USH2A: variants seen among roughly 807,000 people sequenced by gnomAD.
USH2A encodes usherin.
Under a neutral mutation model 538.9 loss-of-function variants are expected in USH2A, and 443 were observed. That is an observed-to-expected ratio of 0.82 (90% CI 0.76 to 0.89). USH2A has a LOEUF of 0.89. USH2A is among the 40% of genes least tolerant of loss of function. USH2A has a pLI of 0.00. For missense variants in USH2A, 6,633 were observed against 6,324.8 expected, an observed-to-expected ratio of 1.05 and a Z score of -1.65; for synonymous variants, 2,413 against 2,273.5, an observed-to-expected ratio of 1.06 and a Z score of -1.75.
intron 15 of USH2A, among the ~76,000 whole-genome samples, chr1:216,216,013 T>C (rs2035335506): frequency 6.6e-6 from 1 of 152,082 alleles, no homozygotes; most frequent in Admixed American, 6.6e-5. Flanking sequence ...ACAAAATTAG[T>C]GGCAGAACCA....
At chr1:215,933,313 G>A (rs1221760461) in intron 38 of USH2A, among the ~76,000 whole-genome samples, 6 of 151,726 alleles carry the variant, frequency 4.0e-5, no homozygotes, top group African/African-American at 1.5e-4. Context: ...TTATTTTAGC[G>A]GGGGGAGTTT....
intron 20 of USH2A, among the ~76,000 whole-genome samples, chr1:216,189,660 A>C (rs1192226991): frequency 6.6e-6 from 1 of 151,970 alleles, no homozygotes; most frequent in East Asian, 1.9e-4. Flanking sequence ...TCTTCTTAAT[A>C]AAACAATAGA....
chr1:215,879,050 C>G lies in USH2A; in HGVS notation c.8272G>C (p.Glu2758Gln), dbSNP rs1256528360. The G allele has an allele frequency of 3.8e-5, 62 of 1,613,918 alleles. No homozygotes were observed. The highest frequency in any genetic ancestry group is 5.2e-5 in the Non-Finnish European group (61 of 1,179,978). ...LIQNGDILSY[E>Q]IHMPDPHITL... is the part of the protein sequence containing the mutation. The stretch of plus-strand genomic sequence containing the variant: ...ATGTGAGGGTCAGGCATGTGAATCT[C>G]ATAGCTAAGTATGTCTCCGTTCTGG... Residue 2758 changes from glutamate (E) to glutamine (Q), a missense_variant, in exon 42 of 72, where the codon GAG becomes CAG. Transcript: ENST00000307340.
chr1:215,631,297 C>G (rs1335098417), intron 70 of USH2A, among the ~76,000 whole-genome samples: 3 of 151,862 alleles, frequency 2.0e-5, no homozygotes, highest in Non-Finnish European at 2.9e-5. Context: ...AGTGAAAAGA[C>G]AGTCAATCTG....
At chr1:215,935,985 CA>C (rs1666483110) in intron 37 of USH2A, among the ~76,000 whole-genome samples, 1 of 151,968 alleles carries the variant, frequency 6.6e-6, no homozygotes. Flanking sequence ...TTTGAGATTA[CA>C]GTGAACTATA....
At chr1:215,834,939 A>G (rs1163173041) in intron 47 of USH2A, among the ~76,000 whole-genome samples, 2 of 151,772 alleles carry the variant, frequency 1.3e-5, no homozygotes, top group Non-Finnish European at 2.9e-5. Context: ...AACTTTCTTC[A>G]AAAGTTTCAA....
intron 13 of USH2A, among the ~76,000 whole-genome samples, chr1:216,244,395 C>T (rs2035994663): frequency 6.6e-6 from 1 of 152,036 alleles, no homozygotes; most frequent in South Asian, 2.1e-4. Context: ...AAAATAAAAC[C>T]CATTTTTGGT....
chr1:216,175,808 C>T (rs1572021637), intron 20 of USH2A, among the ~76,000 whole-genome samples: 1 of 152,090 alleles, frequency 6.6e-6, no homozygotes, highest in East Asian at 1.9e-4. Flanking sequence ...GGTGCCCCAA[C>T]CACAGTCCCT....
intron 58 of USH2A, among the ~76,000 whole-genome samples, chr1:215,746,842 C>T (rs72740648): frequency 0.05 from 7,594 of 152,174 alleles, 222 homozygotes; most frequent in African/African-American, 0.075. Context: ...ACTTACTGTG[C>T]CTTTTTTTGG....
rs200049420 is a variant in USH2A, at chr1:216,359,768, T to C, written c.784+5185A>G. Among the ~76,000 whole-genome samples, 10 of 152,136 alleles carry C rather than the reference T, an allele frequency of 6.6e-5. No individual in the cohort carries two copies. The East Asian group carries it at 1.7e-3, about 26-fold the overall frequency. ...TTGTGTACCTATCATAATAATGAGTTTGGCAAGGTCACTAAACATAGGTAA... is the reference window on the plus strand; with the variant it reads ...TTGTGTACCTATCATAATAATGAGTCTGGCAAGGTCACTAAACATAGGTAA... On this transcript the variant is annotated intron_variant, in intron 4 of 71. Transcript: ENST00000307340.
intron 21 of USH2A, among the ~76,000 whole-genome samples, chr1:216,148,593 A>G (rs1489541131): frequency 3.9e-5 from 6 of 152,152 alleles, no homozygotes; most frequent in African/African-American, 1.4e-4. Context: ...CGCCTGCTAC[A>G]GCATGGCCTT....
chr1:215,808,923 C>T (rs181043351), intron 49 of USH2A, among the ~76,000 whole-genome samples: 9 of 152,010 alleles, frequency 5.9e-5, no homozygotes, highest in South Asian at 4.2e-4. Flanking sequence ...TATCCAGGAC[C>T]GGATCAAGAC....
intron 67 of USH2A, among the ~76,000 whole-genome samples, chr1:215,645,395 A>G (rs1372300552): frequency 6.6e-6 from 1 of 152,094 alleles, no homozygotes; most frequent in Non-Finnish European, 1.5e-5. Context: ...CTCTGGCCTT[A>G]GTTTAGGGCC....
intron 12 of USH2A, among the ~76,000 whole-genome samples, chr1:216,247,430 A>T (rs2036075396): frequency 6.6e-6 from 1 of 152,192 alleles, no homozygotes; most frequent in South Asian, 2.1e-4. Flanking sequence ...TTTGCGATGA[A>T]CTTCATAAAT....
At chr1:216,145,927 C>T (rs1380659329) in intron 21 of USH2A, among the ~76,000 whole-genome samples, 2 of 152,104 alleles carry the variant, frequency 1.3e-5, no homozygotes, top group African/African-American at 4.8e-5. Context: ...TATAAAACGG[C>T]CCCACCCTTA....
At chr1:216,197,887 T>C (rs1455900528) in intron 18 of USH2A, among the ~76,000 whole-genome samples, 2 of 152,154 alleles carry the variant, frequency 1.3e-5, no homozygotes, top group African/African-American at 4.8e-5. Flanking sequence ...ATCTAAACTA[T>C]TTATTTTGGA....
chr1:215,975,528 C>T (rs560540942), intron 35 of USH2A, among the ~76,000 whole-genome samples: 1 of 152,046 alleles, frequency 6.6e-6, no homozygotes, highest in Non-Finnish European at 1.5e-5. Context: ...TGGTTTGCTG[C>T]ATAAGGCTAG....
chr1:216,155,748 G>T (rs1004047615), intron 21 of USH2A, among the ~76,000 whole-genome samples: 1 of 152,110 alleles, frequency 6.6e-6, no homozygotes, highest in East Asian at 1.9e-4. Flanking sequence ...TATGAAGCAG[G>T]CAAGCAGAAC....
At chr1:216,307,855 G>T (rs1035370579) in intron 9 of USH2A, among the ~76,000 whole-genome samples, 2 of 152,150 alleles carry the variant, frequency 1.3e-5, no homozygotes, top group Admixed American at 6.5e-5. Flanking sequence ...TGGACCTTCA[G>T]GTTCCCCAGG....
Sources: allele counts gnomAD v4.1 joint callset (sites outside exome capture counted in the v4.1 genomes callset), GRCh38; gene constraint gnomAD v4.1.1; transcripts MANE v1.5; gene names NCBI Gene and HGNC (gene_info 2026-07-23, HGNC 2026-07-21).